The following SLC36A1 variants were observed in gnomAD, a reference collection of about 807,000 sequenced individuals.
SLC36A1 encodes proton-coupled amino acid transporter 1.
Under a neutral mutation model 47.5 loss-of-function variants are expected in SLC36A1, and 30 were observed. The observed-to-expected ratio is 0.63, with a 90% confidence interval of 0.47 to 0.86. The LOEUF is 0.86. SLC36A1 is among the 40% of genes least tolerant of loss of function. The probability of loss-of-function intolerance (pLI) is 0.00; values close to 1 mark genes in which losing one functional copy is unlikely to be tolerated. For synonymous variants in SLC36A1, 255 were observed against 249.7 expected (o/e 1.02, Z -0.20); for missense variants, 517 against 606.0 (o/e 0.85, Z 1.54).
At chr5:151,512,002 C>G in the SLC36A1 span, 7 of 636,856 alleles carry the variant, frequency 1.1e-5, no homozygotes, top group East Asian at 1.9e-4. This position sits in a 1 kb window ranked among gnomAD's most constrained non-coding sequence, Gnocchi z 4.1. Flanking sequence ...CCTGGCTTCC[C>G]CTAGTCTAGA....
At chr5:151,548,484 T>G in the SLC36A1 span, among the ~76,000 whole-genome samples, 1 of 152,156 alleles carries the variant, frequency 6.6e-6, no homozygotes, top group Non-Finnish European at 1.5e-5. Flanking sequence ...TGTATTAACA[T>G]ACATTTTCTT....
the SLC36A1 span, among the ~76,000 whole-genome samples, chr5:151,514,461 A>G: frequency 1.3e-5 from 2 of 152,168 alleles, no homozygotes; most frequent in Non-Finnish European, 2.9e-5. Context: ...CTCTTGGTAA[A>G]CCCACAACTA....
chr5:151,359,588 G>A, the SLC36A1 span, among the ~76,000 whole-genome samples: 1 of 152,118 alleles, frequency 6.6e-6, no homozygotes, highest in Non-Finnish European at 1.5e-5. Flanking sequence ...TCACCACCAC[G>A]AGCCAGTTTT....
the SLC36A1 span, chr5:151,549,577 A>G: frequency 8.0e-7 from 1 of 1,244,662 alleles, no homozygotes; most frequent in Non-Finnish European, 1.2e-6. Context: ...GGTAAGGTTA[A>G]TGAACTAGAA....
At chr5:151,468,711 A>G (rs1756935733) in intron 7 of SLC36A1, among the ~76,000 whole-genome samples, 3 of 151,852 alleles carry the variant, frequency 2.0e-5, no homozygotes, top group African/African-American at 7.3e-5. Flanking sequence ...TCGCCCCCCC[A>G]CCCAGGGGGC....
At chr5:151,391,614 G>A in the SLC36A1 span, among the ~76,000 whole-genome samples, 4 of 152,126 alleles carry the variant, frequency 2.6e-5, no homozygotes, top group Admixed American at 6.5e-5. Flanking sequence ...AGCATGAAGG[G>A]CTGTTGAATT....
chr5:151,530,416 G>C, the SLC36A1 span, among the ~76,000 whole-genome samples: 19 of 152,282 alleles, frequency 1.2e-4, no homozygotes, highest in Middle Eastern at 3.4e-3. Context: ...TGAGGGATAT[G>C]CTATATGACA....
the SLC36A1 span, among the ~76,000 whole-genome samples, chr5:151,379,814 C>T: frequency 1.3e-5 from 2 of 152,084 alleles, no homozygotes; most frequent in African/African-American, 4.8e-5. Flanking sequence ...TTATTTTATA[C>T]TTATGGCACG....
intron 3 of SLC36A1, among the ~76,000 whole-genome samples, chr5:151,464,265 A>G (rs1756002556): frequency 6.6e-6 from 1 of 152,216 alleles, no homozygotes; most frequent in East Asian, 1.9e-4. Flanking sequence ...GTCTTGGAAC[A>G]GACTTATCTT....
rs1759923757 is a variant in SLC36A1 at position 151,489,373 on chromosome 5, C to T, written c.*1119C>T. ...TGCCATCGTGCTGGGACGACACCAG[C>T]TCTATTGCCACCGATGAGTAGCTGA... On this transcript the variant is annotated 3_prime_UTR_variant, in exon 11 of 11. Coordinates refer to ENST00000243389, the MANE Select transcript of SLC36A1 (RefSeq NM_078483.4). This position sits in a 1 kb window ranked among gnomAD's most constrained non-coding sequence, Gnocchi z 4.5. 1 of 152,656 alleles carries T rather than the reference C, an allele frequency of 6.6e-6. No individual in the cohort carries two copies. The highest frequency in any genetic ancestry group is 1.5e-5 in the Non-Finnish European group (1 of 68,054). The allele number at this position is 152,656 out of a possible 1,614,324, so 9.5% of individuals were successfully genotyped here.
At chr5:151,545,590 C>A in the SLC36A1 span, 1 of 1,614,056 alleles carries the variant, frequency 6.2e-7, no homozygotes, top group African/African-American at 1.3e-5. Flanking sequence ...TACAGGGCTT[C>A]CTTGGTCATG....
chr5:151,522,047 A>T, the SLC36A1 span: 4 of 1,605,032 alleles, frequency 2.5e-6, no homozygotes, highest in Non-Finnish European at 3.4e-6. Context: ...ACACGGACAG[A>T]CGTCAAAGAC....
At chr5:151,423,438 T>C in the SLC36A1 span, among the ~76,000 whole-genome samples, 1 of 152,226 alleles carries the variant, frequency 6.6e-6, no homozygotes, top group African/African-American at 2.4e-5. Context: ...ACAGGAACAA[T>C]GGAGTATTAT....
the SLC36A1 span, among the ~76,000 whole-genome samples, chr5:151,423,971 AAAACAAAC>A: frequency 6.6e-6 from 1 of 151,778 alleles, no homozygotes; most frequent in Non-Finnish European, 1.5e-5. Flanking sequence ...GATCTATTAA[AAAACAAAC>A]AAACAAAACA....
At chr5:151,522,873 G>T in the SLC36A1 span, among the ~76,000 whole-genome samples, 1 of 152,314 alleles carries the variant, frequency 6.6e-6, no homozygotes, top group African/African-American at 2.4e-5. Context: ...GCTGGCACGC[G>T]CAGGGTTGCA....
chr5:151,370,917 C>T, the SLC36A1 span, among the ~76,000 whole-genome samples: 20 of 152,226 alleles, frequency 1.3e-4, no homozygotes, highest in African/African-American at 4.1e-4. Flanking sequence ...CACTTGGACC[C>T]GGGAGACGGA....
the SLC36A1 span, chr5:151,510,292 C>T: frequency 1.6e-6 from 2 of 1,238,220 alleles, no homozygotes; most frequent in African/African-American, 1.5e-5. Context: ...TATTTGGTTG[C>T]TCCCCTCTGT....
At chr5:151,551,450 C>T in the SLC36A1 span, 2 of 1,612,680 alleles carry the variant, frequency 1.2e-6, no homozygotes, top group Admixed American at 1.7e-5. Context: ...CAGGGGTCCC[C>T]AGCCGAGGCC....
At chr5:151,365,596 CAG>C in the SLC36A1 span, among the ~76,000 whole-genome samples, 1 of 152,180 alleles carries the variant, frequency 6.6e-6, no homozygotes, top group African/African-American at 2.4e-5. Context: ...AACTGAGGCT[CAG>C]AGAGGAAAAG....
Sources: allele counts gnomAD v4.1 joint callset (sites outside exome capture counted in the v4.1 genomes callset), GRCh38; gene constraint gnomAD v4.1.1; non-coding constraint Gnocchi (gnomAD v3.1); transcripts MANE v1.5; gene names NCBI Gene and HGNC (gene_info 2026-07-23, HGNC 2026-07-21).